DPP10: variants seen among roughly 807,000 people sequenced by gnomAD.
DPP10 encodes the protein inactive dipeptidyl peptidase 10.
A neutral mutation model predicts 120.9 loss-of-function variants in DPP10; 33 were observed. The observed-to-expected ratio is 0.27, with a 90% confidence interval of 0.21 to 0.37. DPP10 has a LOEUF of 0.37. Ranked by LOEUF, DPP10 falls within the 10% of genes least tolerant of loss-of-function variation. The pLI is 1.00. For missense variants in DPP10, 816 were observed against 942.8 expected (o/e 0.87, Z 1.76); for synonymous variants, 337 against 326.1 (o/e 1.03, Z -0.36).
chr2:115,402,853 AAATAT>A (rs2068179455), intron 3 of DPP10, among the ~76,000 whole-genome samples: 2 of 64,912 alleles, frequency 3.1e-5, no homozygotes, highest in South Asian at 1.3e-3. Context: ...AAAAAAAAAA[AAATAT>A]ATATATATAT....
chr2:114,811,910 G>C (rs2106324912), intron 1 of DPP10, among the ~76,000 whole-genome samples: 1 of 152,276 alleles, frequency 6.6e-6, no homozygotes, highest in South Asian at 2.1e-4. Flanking sequence ...AAGAACAAAA[G>C]CTCTCAATAG....
At chr2:114,510,679 G>A (rs1365420247) in intron 1 of DPP10, among the ~76,000 whole-genome samples, 2 of 151,658 alleles carry the variant, frequency 1.3e-5, no homozygotes, top group Non-Finnish European at 2.9e-5. Flanking sequence ...TAAGCCTGCT[G>A]ATATAGAGCA....
chr2:114,833,547 A>C (rs1464881613), intron 1 of DPP10: 1 of 152,246 alleles, frequency 6.6e-6, no homozygotes, highest in Non-Finnish European at 1.5e-5. Flanking sequence ...GGTGGAACGT[A>C]TAGTGCTAAC....
intron 1 of DPP10, among the ~76,000 whole-genome samples, chr2:115,053,555 C>A (rs1470459474): frequency 6.6e-6 from 1 of 152,108 alleles, no homozygotes; most frequent in Non-Finnish European, 1.5e-5. Flanking sequence ...TAATTAGACA[C>A]CATTGTGATT....
chr2:114,445,272 A>G (rs1360163102), intron 1 of DPP10, among the ~76,000 whole-genome samples: 3 of 152,084 alleles, frequency 2.0e-5, no homozygotes, highest in African/African-American at 7.2e-5. Context: ...GGTAATGATA[A>G]CCCACTTTGA....
intron 1 of DPP10, among the ~76,000 whole-genome samples, chr2:114,771,478 G>A (rs752138135): frequency 6.6e-6 from 1 of 152,306 alleles, no homozygotes; most frequent in Non-Finnish European, 1.5e-5. Flanking sequence ...GTCCATCCTT[G>A]TAAGAATAAG....
In DPP10 at chr2:115,156,794, C is replaced by T. The variant is rs192022834; in HGVS notation, c.61-152445C>T. 7.2e-5 allele frequency among the ~76,000 whole-genome samples: 11 copies of T among 152,230 alleles called. No homozygotes were observed. The East Asian group carries it at 2.1e-3, about 29-fold the overall frequency. ...AGACATTATCTCAAAAGGACAAATG[C>T]GATGCCAATGTTTCTAAATACTCCT... On this transcript the variant is annotated intron_variant, in intron 1 of 25. Coordinates refer to ENST00000410059, the MANE Select transcript of DPP10 (RefSeq NM_020868.6).
At chr2:115,339,043 A>G (rs1329947599) in intron 2 of DPP10, among the ~76,000 whole-genome samples, 2 of 152,202 alleles carry the variant, frequency 1.3e-5, no homozygotes, top group Non-Finnish European at 2.9e-5. Flanking sequence ...AAATATTTGA[A>G]ATTCACGTAT....
chr2:115,233,759 G>A (rs963500253), intron 1 of DPP10, among the ~76,000 whole-genome samples: 1 of 152,140 alleles, frequency 6.6e-6, no homozygotes, highest in African/African-American at 2.4e-5. Context: ...GCGTGGACAG[G>A]ATGATACTCC....
intron 1 of DPP10, among the ~76,000 whole-genome samples, chr2:115,284,352 C>T (rs1463932749): frequency 6.6e-6 from 1 of 152,014 alleles, no homozygotes; most frequent in Non-Finnish European, 1.5e-5. Context: ...AGAAAGGGCT[C>T]ATCCACTTAT....
At chr2:115,006,160 C>A (rs1701825620) in intron 1 of DPP10, among the ~76,000 whole-genome samples, 1 of 151,918 alleles carries the variant, frequency 6.6e-6, no homozygotes, top group Non-Finnish European at 1.5e-5. Context: ...TACAGACAAG[C>A]AAATGCTGAG....
Position 115,753,648 on chromosome 2 carries a change from T to C in DPP10, c.1074+351T>C, listed in dbSNP as rs1451117155. Among the ~76,000 whole-genome samples, 3 of 152,202 alleles carry C rather than the reference T, an allele frequency of 2.0e-5. No individual in the cohort carries two copies. In the East Asian group the frequency reaches 5.8e-4, roughly 29 times the overall value. On this transcript the variant is annotated intron_variant, in intron 11 of 25. Transcript: ENST00000410059. Reference sequence around the variant, plus strand: ...TTGAGAATATAAGAAGTTTCTTTCCTATCTTCTTTAAACATATTCCTTTTA... The same window carrying C: ...TTGAGAATATAAGAAGTTTCTTTCCCATCTTCTTTAAACATATTCCTTTTA...
intron 1 of DPP10, among the ~76,000 whole-genome samples, chr2:114,749,996 C>T (rs1679052175): frequency 6.6e-6 from 1 of 152,090 alleles, no homozygotes; most frequent in Non-Finnish European, 1.5e-5. Flanking sequence ...AAAATGTTCT[C>T]AATAATTATC....
intron 1 of DPP10, among the ~76,000 whole-genome samples, chr2:114,664,015 G>A (rs1697700639): frequency 6.6e-6 from 1 of 151,886 alleles, no homozygotes; most frequent in Admixed American, 6.6e-5. Context: ...GACATCACAG[G>A]GAGCAATTGT....
intron 1 of DPP10, among the ~76,000 whole-genome samples, chr2:114,625,300 A>G (rs990101102): frequency 6.6e-6 from 1 of 151,930 alleles, no homozygotes; most frequent in African/African-American, 2.4e-5. Flanking sequence ...TCTAGCCCCA[A>G]TACTTTCTGT....
At chr2:115,570,773 GT>G (rs2081292134) in intron 5 of DPP10, among the ~76,000 whole-genome samples, 1 of 152,218 alleles carries the variant, frequency 6.6e-6, no homozygotes, top group South Asian at 2.1e-4. Context: ...GAAATTAAGT[GT>G]TTGCATAATG....
At chr2:115,257,597 A>G (rs1219655113) in intron 1 of DPP10, among the ~76,000 whole-genome samples, 1 of 152,216 alleles carries the variant, frequency 6.6e-6, no homozygotes, top group Non-Finnish European at 1.5e-5. Flanking sequence ...ACCAGGCCCC[A>G]TCTTCAACAC....
chr2:115,267,321 C>A (rs2059502754), intron 1 of DPP10, among the ~76,000 whole-genome samples: 1 of 152,098 alleles, frequency 6.6e-6, no homozygotes, highest in African/African-American at 2.4e-5. Context: ...CAATATGTAT[C>A]AAATAGTAAG....
At chr2:114,528,384 AG>A (rs1419385661) in intron 1 of DPP10, among the ~76,000 whole-genome samples, 1 of 152,174 alleles carries the variant, frequency 6.6e-6, no homozygotes, top group African/African-American at 2.4e-5. Flanking sequence ...ACTTTGTGAG[AG>A]TGAACACTGT....
Sources: gnomAD v4.1 joint callset for allele counts (sites outside exome capture counted in the v4.1 genomes callset) on GRCh38, gnomAD v4.1.1 for gene constraint, MANE v1.5 for transcripts, NCBI Gene and HGNC (gene_info 2026-07-23, HGNC 2026-07-21) for gene names.